Variants in SORCS2 observed in about 807,000 individuals in gnomAD.
SORCS2 encodes VPS10 domain-containing receptor SorCS2.
A neutral mutation model predicts 141.6 loss-of-function variants in SORCS2; 100 were observed. The observed-to-expected ratio is 0.71, with a 90% CI of 0.60 to 0.83. The LOEUF is 0.83. SORCS2 is among the 40% of genes least tolerant of loss of function. The probability of loss-of-function intolerance (pLI) is 0.00; values close to 1 mark genes in which losing one functional copy is unlikely to be tolerated. For missense variants in SORCS2, 1,646 were observed against 1,560.2 expected (o/e 1.05, Z -0.93); for synonymous variants, 789 against 676.9 (o/e 1.17, Z -2.57).
chr4:7,215,562 G>A (rs918883302), intron 1 of SORCS2, among the ~76,000 whole-genome samples: 3 of 152,256 alleles, frequency 2.0e-5, no homozygotes, highest in East Asian at 1.9e-4. Flanking sequence ...GCCCCGGTGC[G>A]GGATCCACTG....
intron 7 of SORCS2, among the ~76,000 whole-genome samples, chr4:7,665,848 G>A (rs1322746011): frequency 1.3e-5 from 2 of 152,212 alleles, no homozygotes; most frequent in Non-Finnish European, 2.9e-5. Flanking sequence ...AGGCTCGCCT[G>A]TCAAAGCCCT....
intron 3 of SORCS2, among the ~76,000 whole-genome samples, chr4:7,617,641 G>C (rs1323946188): frequency 6.6e-6 from 1 of 152,220 alleles, no homozygotes; most frequent in East Asian, 1.9e-4. Flanking sequence ...TAGAGGAGGA[G>C]ACATTTGAGT....
chr4:7,650,648 G>A (rs1183531138), intron 4 of SORCS2, among the ~76,000 whole-genome samples: 2 of 152,062 alleles, frequency 1.3e-5, no homozygotes, highest in African/African-American at 4.8e-5. Context: ...CTGACTCAGA[G>A]GCCATGACAG....
intron 1 of SORCS2, among the ~76,000 whole-genome samples, chr4:7,231,557 C>T (rs2108776593): frequency 6.6e-6 from 1 of 152,316 alleles, no homozygotes; most frequent in African/African-American, 2.4e-5. Context: ...ATCCATCCAT[C>T]CACTCATTTG....
intron 2 of SORCS2, among the ~76,000 whole-genome samples, chr4:7,454,083 G>A (rs1577590330): frequency 7.8e-6 from 1 of 127,696 alleles, no homozygotes; most frequent in Non-Finnish European, 1.6e-5. Context: ...GGGGTCAGGT[G>A]CTGTGTGTTG....
chr4:7,356,184 A>C (rs537223398), intron 1 of SORCS2, among the ~76,000 whole-genome samples: 1 of 152,342 alleles, frequency 6.6e-6, no homozygotes, highest in South Asian at 2.1e-4. Flanking sequence ...CACCCAGGAC[A>C]GGTCCCCCTT....
At chr4:7,573,489 T>C (rs1424856311) in intron 3 of SORCS2, among the ~76,000 whole-genome samples, 2 of 152,210 alleles carry the variant, frequency 1.3e-5, no homozygotes, top group Non-Finnish European at 2.9e-5. Context: ...ATTAGTTTCT[T>C]GGTGTGTTCT....
chr4:7,350,672 C>T (rs1720886482), intron 1 of SORCS2, among the ~76,000 whole-genome samples: 2 of 152,228 alleles, frequency 1.3e-5, no homozygotes, highest in Non-Finnish European at 2.9e-5. Flanking sequence ...AGTGACCAGG[C>T]CCGTGGGAGG....
chr4:7,637,730 T>G (rs555647244), intron 3 of SORCS2, among the ~76,000 whole-genome samples: 4 of 150,868 alleles, frequency 2.7e-5, no homozygotes, highest in African/African-American at 4.9e-5. Flanking sequence ...AATGAATGCA[T>G]GCATGCATGA....
At chr4:7,308,565 G>A (rs1257889295) in intron 1 of SORCS2, among the ~76,000 whole-genome samples, 1 of 152,132 alleles carries the variant, frequency 6.6e-6, no homozygotes, top group Non-Finnish European at 1.5e-5. Context: ...TTGGTAACTT[G>A]AATGAAGGGC....
chr4:7,318,999 G>T lies in SORCS2; in HGVS notation c.481-77289G>T, dbSNP rs955273607. On this transcript the variant is annotated intron_variant, in intron 1 of 26. Transcript: ENST00000507866. ...GAATCACATAGCATAGAGCCTTTTG[G>T]GTCTGGCATCTTCCACTTAGCATAA... Among the ~76,000 whole-genome samples the T allele has an allele frequency of 2.0e-5, 3 of 152,202 alleles. No homozygotes were observed. The East Asian group carries it at 5.8e-4, about 29-fold the overall frequency.
chr4:7,322,385 C>G lies in SORCS2; in HGVS notation c.481-73903C>G, dbSNP rs985774616. ...TCCCTCTATCTGCCTCCTGGCCCAGCCCAGCTGCACTTGCTGAGCCTGCTC... is the reference window on the plus strand; with the variant it reads ...TCCCTCTATCTGCCTCCTGGCCCAGGCCAGCTGCACTTGCTGAGCCTGCTC... On this transcript the variant is annotated intron_variant, in intron 1 of 26. Transcript: ENST00000507866. Among the ~76,000 whole-genome samples, 30 of 152,216 alleles carry G rather than the reference C, an allele frequency of 2.0e-4. 1 individual carries two copies. Among genetic ancestry groups the G allele is most frequent in the Admixed American group, 2.0e-4 (3 of 15,286 alleles).
rs138782572 is a variant in SORCS2, at chr4:7,276,362, C to T, written c.480+83236C>T. 2.1e-3 allele frequency among the ~76,000 whole-genome samples: 326 copies of T among 152,234 alleles called. 1 individual carries two copies. Among genetic ancestry groups the T allele is most frequent in the African/African-American group, 7.6e-3 (316 of 41,516 alleles). On this transcript the variant is annotated intron_variant, in intron 1 of 26. Coordinates refer to ENST00000507866, the MANE Select transcript of SORCS2 (RefSeq NM_020777.3). ...CCTGGGACCCCCATCTCAAGCTGTTCCCTCCGGCAGACAAGATACGTCCCC... is the reference window on the plus strand; with the variant it reads ...CCTGGGACCCCCATCTCAAGCTGTTTCCTCCGGCAGACAAGATACGTCCCC...
At chr4:7,264,390 A>G (rs1056102836) in intron 1 of SORCS2, among the ~76,000 whole-genome samples, 4 of 152,030 alleles carry the variant, frequency 2.6e-5, no homozygotes, top group Non-Finnish European at 5.9e-5. Context: ...GGGGCATGGG[A>G]TGAGTGACTG....
At chr4:7,620,817 G>A (rs1015877864) in intron 3 of SORCS2, among the ~76,000 whole-genome samples, 1 of 152,202 alleles carries the variant, frequency 6.6e-6, no homozygotes, top group African/African-American at 2.4e-5. Flanking sequence ...TCACGGTGGG[G>A]GGTCTCCCCT....
intron 1 of SORCS2, among the ~76,000 whole-genome samples, chr4:7,226,897 G>A (rs551653746): frequency 2.0e-5 from 3 of 152,204 alleles, no homozygotes; most frequent in Admixed American, 6.5e-5. Flanking sequence ...GGGATCACAC[G>A]CACAAATTGA....
intron 1 of SORCS2, among the ~76,000 whole-genome samples, chr4:7,272,714 C>G (rs369121399): frequency 6.6e-6 from 1 of 152,208 alleles, no homozygotes; most frequent in East Asian, 1.9e-4. Flanking sequence ...GGACAATTTG[C>G]GAAGGAACAA....
intron 20 of SORCS2, among the ~76,000 whole-genome samples, chr4:7,725,848 C>T (rs1727183192): frequency 6.6e-6 from 1 of 152,234 alleles, no homozygotes; most frequent in South Asian, 2.1e-4. Context: ...GCAGGAAGCC[C>T]CCTACCAGCA....
chr4:7,510,930 C>T (rs1732602531), intron 2 of SORCS2, among the ~76,000 whole-genome samples: 1 of 152,186 alleles, frequency 6.6e-6, no homozygotes, highest in South Asian at 2.1e-4. Context: ...TAGTGGGCAG[C>T]GCCCCGGGAG....
Sources: allele counts gnomAD v4.1 joint callset (sites outside exome capture counted in the v4.1 genomes callset), GRCh38; gene constraint gnomAD v4.1.1; transcripts MANE v1.5; gene names NCBI Gene and HGNC (gene_info 2026-07-23, HGNC 2026-07-21).